The following SCARB1 variants were observed in gnomAD, a reference collection of about 807,000 sequenced individuals.
SCARB1 encodes CD36 and LIMPII analogous 1.
A neutral mutation model predicts 57.2 loss-of-function variants in SCARB1; 30 were observed. That is an observed-to-expected ratio of 0.52 (90% CI 0.39 to 0.71). The LOEUF (loss-of-function observed/expected upper bound fraction) is 0.71, where lower values mean the gene tolerates loss of function less well. Ranked by LOEUF, SCARB1 falls within the 30% of genes least tolerant of loss-of-function variation. The pLI is 0.00. For synonymous variants in SCARB1, 249 were observed against 268.3 expected, an observed-to-expected ratio of 0.93 and a Z score of 0.70; for missense variants, 543 against 671.2, an observed-to-expected ratio of 0.81 and a Z score of 2.11.
rs988248539 is a variant in SCARB1, at chr12:124,817,231, C to A, written c.284+319G>T. Among the ~76,000 whole-genome samples the A allele has an allele frequency of 6.6e-6, 1 of 151,580 alleles. No individual in the cohort carries two copies. The highest frequency in any genetic ancestry group is 1.5e-5 in the Non-Finnish European group (1 of 67,872). ...GGTCCCTCCCTGCTCCATAAAGAACCTCTCTAGGCAACGTCTGGTGATTCG... is the reference window on the plus strand; with the variant it reads ...GGTCCCTCCCTGCTCCATAAAGAACATCTCTAGGCAACGTCTGGTGATTCG... On this transcript the variant is annotated intron_variant, in intron 2 of 12. Transcript: ENST00000261693. The surrounding 1 kb of genome is among the most constrained non-coding windows in gnomAD (Gnocchi z 4.8).
intron 1 of SCARB1, among the ~76,000 whole-genome samples, chr12:124,833,841 C>T (rs1439603608): frequency 6.6e-6 from 1 of 152,254 alleles, no homozygotes; most frequent in African/African-American, 2.4e-5. Flanking sequence ...TTGAACCCTG[C>T]TGTGTTTTGG....
At chr12:124,786,082 C>T (rs1382826907) in intron 11 of SCARB1, 39 of 1,528,598 alleles carry the variant, frequency 2.6e-5, no homozygotes, top group East Asian at 2.0e-4. Flanking sequence ...GATGCAAGTA[C>T]CAGGTCTCAT....
intron 2 of SCARB1, among the ~76,000 whole-genome samples, chr12:124,816,632 C>T (rs1038612845): frequency 2.0e-5 from 3 of 152,084 alleles, no homozygotes; most frequent in African/African-American, 4.8e-5. Context: ...CACCGTGTGC[C>T]GGGGGCAAGT....
At chr12:124,853,129 A>C (rs1952486870) in intron 1 of SCARB1, among the ~76,000 whole-genome samples, 1 of 152,186 alleles carries the variant, frequency 6.6e-6, no homozygotes, top group South Asian at 2.1e-4. Flanking sequence ...AAAAGGTTAC[A>C]TTTAAACATA....
chr12:124,802,254 G>T (rs1257748580), intron 7 of SCARB1, among the ~76,000 whole-genome samples: 1 of 152,000 alleles, frequency 6.6e-6, no homozygotes, highest in African/African-American at 2.4e-5. Context: ...TGGGAGCCCT[G>T]CTCTTTTTCT....
At position 124,800,239 on chromosome 12, in the gene SCARB1, G is replaced by A. The variant is rs1389807359; in HGVS notation, c.1013C>T (p.Ala338Val). 2.5e-6 allele frequency: 4 copies of A among 1,610,236 alleles called. No individual in the cohort carries two copies. In the South Asian group the frequency reaches 3.3e-5, roughly 13 times the overall value. The change falls in exon 8 of 13, where the codon GCC (alanine) becomes GTC (valine). Residue 338 changes from alanine to valine, a missense_variant. Ala to Val is a moderately conservative substitution (Grantham distance 64). Coordinates refer to ENST00000261693, the MANE Select transcript of SCARB1 (RefSeq NM_005505.5). The surrounding 1 kb of genome is among the most constrained non-coding windows in gnomAD (Gnocchi z 4.8). ...IQNVSTCRFSAPLFLSHPHFL... is the reference protein window; with the variant it reads ...IQNVSTCRFSVPLFLSHPHFL... ...GTGAGGATGGGAGAGAAACAAGGGG[G>A]CACCTAGAAGAGGGGCAGGGAGGGG...
intron 1 of SCARB1, among the ~76,000 whole-genome samples, chr12:124,851,350 A>G (rs1442424923): frequency 6.6e-6 from 1 of 152,072 alleles, no homozygotes; most frequent in Non-Finnish European, 1.5e-5. Context: ...CTGTCACGGG[A>G]CCCAGGAAGA....
intron 1 of SCARB1, among the ~76,000 whole-genome samples, chr12:124,826,202 G>A (rs183959155): frequency 5.9e-5 from 9 of 151,804 alleles, no homozygotes; most frequent in East Asian, 5.8e-4. Flanking sequence ...ACAGTGGCGC[G>A]CACCTATGGT....
At chr12:124,785,966 C>G in intron 11 of SCARB1, 2 of 1,178,146 alleles carry the variant, frequency 1.7e-6, no homozygotes, top group Non-Finnish European at 2.3e-6. Context: ...ATGCCAGCCC[C>G]CCTCAATCCC....
intron 8 of SCARB1, among the ~76,000 whole-genome samples, chr12:124,797,442 C>A (rs867737071): frequency 1.3e-5 from 2 of 152,090 alleles, no homozygotes; most frequent in African/African-American, 4.8e-5. Flanking sequence ...ATCTCCTGAT[C>A]CCCCTCCCCA....
In SCARB1 at chr12:124,817,852, T is replaced by G; in HGVS notation, c.127-145A>C. 1.2e-6 allele frequency: 1 copy of G among 842,766 alleles called. No homozygotes were observed. The highest frequency in any genetic ancestry group is 1.3e-5 in the South Asian group (1 of 74,124). The allele number at this position is 842,766 out of a possible 1,614,324, so 52.2% of individuals were successfully genotyped here. A position where few individuals can be genotyped will look rare whatever the true frequency, so the allele number is the denominator to read the frequency against. On this transcript the variant is annotated intron_variant, in intron 1 of 12. Transcript: ENST00000261693. The surrounding 1 kb of genome is among the most constrained non-coding windows in gnomAD (Gnocchi z 4.8). ...GGGATAGGAGGTGGTGGGAAAGCCCTTCGCACATGAGGCTGTCGCACCTGG... is the reference window on the plus strand; with the variant it reads ...GGGATAGGAGGTGGTGGGAAAGCCCGTCGCACATGAGGCTGTCGCACCTGG...
intron 7 of SCARB1, among the ~76,000 whole-genome samples, chr12:124,802,309 G>C (rs1361767078): frequency 6.6e-6 from 1 of 152,134 alleles, no homozygotes; most frequent in Non-Finnish European, 1.5e-5. Flanking sequence ...AGTGTGGAAG[G>C]CTCTTCAAGT....
At chr12:124,808,006 C>G in intron 6 of SCARB1, 79 bp from the exon 7 acceptor site, 1 of 1,419,982 alleles carries the variant, frequency 7.0e-7, no homozygotes, top group Non-Finnish European at 9.9e-7. Flanking sequence ...CTGCCCAGAT[C>G]CAGCCACTTC....
chr12:124,840,620 C>T (rs2135785202), intron 1 of SCARB1, among the ~76,000 whole-genome samples: 2 of 152,262 alleles, frequency 1.3e-5, no homozygotes, highest in East Asian at 1.9e-4. Flanking sequence ...CCGATCTTCT[C>T]GTCTCGGAAA....
In SCARB1 at chr12:124,786,495, G is replaced by A. The variant is rs746754246; in HGVS notation, c.1263C>T (p.Ala421=). 1.2e-6 allele frequency: 2 copies of A among 1,614,032 alleles called. No individual in the cohort carries two copies. Among genetic ancestry groups the A allele is most frequent in the East Asian group, 2.2e-5 (1 of 44,894 alleles). The change falls in exon 11 of 13, where the codon GCC becomes GCT. Residue 421 remains alanine, a synonymous_variant. Transcript: ENST00000261693. ...LPLLWFAESG[A]MEGETLHTFY... is the part of the protein sequence containing the mutation. ...ATGTGTGAAGAGTCTCCCCCTCCATGGCCCCGCTCTGAGGAGACAGAATGA... is the reference window on the plus strand; with the variant it reads ...ATGTGTGAAGAGTCTCCCCCTCCATAGCCCCGCTCTGAGGAGACAGAATGA...
intron 1 of SCARB1, among the ~76,000 whole-genome samples, chr12:124,841,932 C>T (rs568222142): frequency 6.6e-5 from 10 of 152,232 alleles, no homozygotes; most frequent in South Asian, 4.1e-4. Flanking sequence ...CTTTTGTCCA[C>T]GGCTGTAGCT....
intron 1 of SCARB1, among the ~76,000 whole-genome samples, chr12:124,837,402 C>T (rs1184060676): frequency 7.0e-6 from 1 of 141,970 alleles, no homozygotes. Context: ...TTTGCATTTT[C>T]AAATGGAAAG....
At chr12:124,824,002 T>TA (rs111551453) in intron 1 of SCARB1, among the ~76,000 whole-genome samples, 66 of 147,050 alleles carry the variant, frequency 4.5e-4, no homozygotes, top group African/African-American at 9.3e-4. Flanking sequence ...CCGCCTCTAT[T>TA]AAAAAAAAAA....
chr12:124,793,491 A>C (rs1949805623), intron 9 of SCARB1, among the ~76,000 whole-genome samples: 1 of 152,084 alleles, frequency 6.6e-6, no homozygotes, highest in African/African-American at 2.4e-5. Context: ...CAGGAGATCG[A>C]GACCAACCTG....
Sources: allele counts gnomAD v4.1 joint callset (sites outside exome capture counted in the v4.1 genomes callset), GRCh38; gene constraint gnomAD v4.1.1; non-coding constraint Gnocchi (gnomAD v3.1); transcripts MANE v1.5; gene names NCBI Gene and HGNC (gene_info 2026-07-23, HGNC 2026-07-21).